TBX5: variants seen among roughly 807,000 people sequenced by gnomAD.
TBX5 encodes T-box transcription factor TBX5.
Under a neutral mutation model 51.1 loss-of-function variants are expected in TBX5, and 8 were observed. The ratio of observed to expected loss-of-function variants is 0.16; its 90% CI spans 0.09 to 0.28. The LOEUF (loss-of-function observed/expected upper bound fraction) is 0.28. Among genes scored for constraint, TBX5 ranks in the 10% least tolerant of loss-of-function variants. The probability of loss-of-function intolerance (pLI) is 1.00; values close to 1 mark genes in which losing one functional copy is unlikely to be tolerated. For missense variants in TBX5, 589 were observed against 671.7 expected (o/e 0.88, Z 1.36); for synonymous variants, 302 against 266.4 (o/e 1.13, Z -1.30).
chr12:114,403,036 T>A (rs1871926188), intron 2 of TBX5, among the ~76,000 whole-genome samples: 1 of 152,214 alleles, frequency 6.6e-6, no homozygotes, highest in Non-Finnish European at 1.5e-5. Flanking sequence ...ATTACCAGGA[T>A]CTACTGAGGG....
intron 3 of TBX5, among the ~76,000 whole-genome samples, chr12:114,401,085 T>A (rs1383255509): frequency 6.6e-6 from 1 of 152,092 alleles, no homozygotes; most frequent in African/African-American, 2.4e-5. Context: ...GGCGCGCGCG[T>A]GCACATGCTC....
chr12:114,399,541 G>A lies in TBX5; in HGVS notation c.334C>T (p.His112Tyr). Reference sequence around the variant, plus strand: ...TTATTATCTGCGAATTTGTATCTGTGATCGTCGGCAGGTACAATGTCCATG... The same window carrying A: ...TTATTATCTGCGAATTTGTATCTGTAATCGTCGGCAGGTACAATGTCCATG... Reference protein sequence around the residue: ...LLMDIVPADDHRYKFADNKWS... With the variant: ...LLMDIVPADDYRYKFADNKWS... Residue 112 changes from histidine (H) to tyrosine (Y), a missense_variant, in exon 4 of 9, where the codon CAC becomes TAC. Physicochemically the swap from His to Tyr is moderately conservative, Grantham distance 83. Transcript: ENST00000405440. 1.9e-6 allele frequency: 3 copies of A among 1,613,992 alleles called. No individual in the cohort carries two copies. The South Asian group carries it at 3.3e-5, about 18-fold the overall frequency.
At chr12:114,357,481 A>G (rs1868989810) in intron 8 of TBX5, among the ~76,000 whole-genome samples, 1 of 152,230 alleles carries the variant, frequency 6.6e-6, no homozygotes, top group Non-Finnish European at 1.5e-5. Flanking sequence ...GCGTGATACC[A>G]GCAGGGCATC....
At chr12:114,365,611 T>C (rs1467853692) in intron 8 of TBX5, among the ~76,000 whole-genome samples, 1 of 152,138 alleles carries the variant, frequency 6.6e-6, no homozygotes, top group Admixed American at 6.5e-5. Context: ...GGTGGGTCAC[T>C]TGAGCCCAGG....
intron 1 of TBX5, among the ~76,000 whole-genome samples, chr12:114,404,606 C>CTTT (rs1371519312): frequency 6.6e-6 from 1 of 152,004 alleles, no homozygotes; most frequent in Non-Finnish European, 1.5e-5. Context: ...TTCTTTATCC[C>CTTT]AACCTTAAGT....
intron 7 of TBX5, 39 bp from the exon 8 acceptor site, chr12:114,366,430 C>A: frequency 1.3e-6 from 2 of 1,591,498 alleles, no homozygotes; most frequent in South Asian, 1.1e-5. Flanking sequence ...CTATCAGTGC[C>A]CTGATACAGA....
At chr12:114,370,657 C>CTT (rs1483862099) in intron 7 of TBX5, among the ~76,000 whole-genome samples, 2 of 149,938 alleles carry the variant, frequency 1.3e-5, no homozygotes, top group African/African-American at 4.9e-5. Flanking sequence ...CTCTCTCTCT[C>CTT]TCTCTCTATC....
At chr12:114,383,153 G>A (rs187183958) in intron 7 of TBX5, among the ~76,000 whole-genome samples, 3 of 152,226 alleles carry the variant, frequency 2.0e-5, no homozygotes, top group Admixed American at 1.3e-4. Context: ...AAGCCTGGAG[G>A]GCAACTGGTA....
At chr12:114,365,504 C>T (rs542707300) in intron 8 of TBX5, among the ~76,000 whole-genome samples, 40 of 152,160 alleles carry the variant, frequency 2.6e-4, no homozygotes. Context: ...TTGCAAAATA[C>T]ATACAGTGTG....
chr12:114,395,022 T>A, intron 5 of TBX5, 129 bp from the exon 6 acceptor site: 1 of 942,846 alleles, frequency 1.1e-6, no homozygotes, highest in Non-Finnish European at 1.6e-6. Flanking sequence ...ATTTTTCTTC[T>A]GTTTTGAAAA....
At chr12:114,384,726 CACACACACACACACACACA>C (rs1291758285) in intron 7 of TBX5, among the ~76,000 whole-genome samples, 199 of 128,556 alleles carry the variant, frequency 1.5e-3, no homozygotes, top group African/African-American at 6.4e-3. Context: ...CACACACACA[CACACACACACACACACACA>C]ACACACACAC....
intron 6 of TBX5, among the ~76,000 whole-genome samples, chr12:114,391,530 A>G (rs1323547592): frequency 6.6e-6 from 1 of 152,146 alleles, no homozygotes; most frequent in African/African-American, 2.4e-5. Flanking sequence ...GAATTATCTC[A>G]TTGAATCTTC....
chr12:114,389,418 T>A (rs1410340216), intron 6 of TBX5, among the ~76,000 whole-genome samples: 2 of 152,080 alleles, frequency 1.3e-5, no homozygotes, highest in African/African-American at 2.4e-5. Flanking sequence ...ATAAATCATC[T>A]CTTAATGGAC....
At chr12:114,381,150 A>G (rs1870484277) in intron 7 of TBX5, among the ~76,000 whole-genome samples, 1 of 152,228 alleles carries the variant, frequency 6.6e-6, no homozygotes, top group Non-Finnish European at 1.5e-5. Flanking sequence ...TTGGGCCAAG[A>G]GGTAGATGGG....
intron 8 of TBX5, among the ~76,000 whole-genome samples, chr12:114,358,768 CG>C (rs1565924840): frequency 7.4e-4 from 106 of 143,978 alleles, no homozygotes; most frequent in African/African-American, 2.4e-3. Context: ...TTTAACTGTG[CG>C]GGGTTTTTTT....
chr12:114,370,268 GA>G (rs1480591063), intron 7 of TBX5, among the ~76,000 whole-genome samples: 5 of 63,528 alleles, frequency 7.9e-5, no homozygotes, highest in Admixed American at 1.5e-4. Context: ...GAAAAGAAAA[GA>G]AAAGAAAAGA....
In TBX5 at chr12:114,370,231, CAGAAAAGAAAAGAAAAGAAA is replaced by C. The variant is rs71447929; in HGVS notation, c.756-3860_756-3841del. 0.025 allele frequency among the ~76,000 whole-genome samples: 1,952 copies of C among 77,774 alleles called. 242 individuals carry two copies. The East Asian group carries it at 0.35, about 14-fold the overall frequency. 51.0% of individuals were successfully genotyped at this position (77,774 alleles called of 152,430 possible). Reference sequence around the variant, plus strand: ...GGATGACAAGAGTGAAACTCTGTCTCAGAAAAGAAAAGAAAAGAAAAGAAAAGAAAAGAAAAGAAAAGAAA... The same window carrying C: ...GGATGACAAGAGTGAAACTCTGTCTCAGAAAAGAAAAGAAAAGAAAAGAAA... On this transcript the variant is annotated intron_variant, in intron 7 of 8. Transcript: ENST00000405440.
chr12:114,408,235 C>T, upstream of TBX5: 7 of 984,454 alleles, frequency 7.1e-6, no homozygotes, highest in Non-Finnish European at 8.4e-6. Flanking sequence ...GTCTTGGCCC[C>T]GGGAATAAAT....
At chr12:114,390,550 T>A (rs975650167) in intron 6 of TBX5, among the ~76,000 whole-genome samples, 19 of 152,324 alleles carry the variant, frequency 1.2e-4, no homozygotes, top group Admixed American at 4.6e-4. Flanking sequence ...TTGAAAAAAA[T>A]TTTTTAAAAC....
Sources: allele counts gnomAD v4.1 joint callset (sites outside exome capture counted in the v4.1 genomes callset), GRCh38; gene constraint gnomAD v4.1.1; transcripts MANE v1.5; gene names NCBI Gene and HGNC (gene_info 2026-07-23, HGNC 2026-07-21).